Variants in SGMS2 observed in about 807,000 individuals in gnomAD.
SGMS2 encodes the protein phosphatidylcholine:ceramide cholinephosphotransferase 2.
In SGMS2, 21 loss-of-function variants were observed where a neutral mutation model predicts 43.8. That is an observed-to-expected ratio of 0.48 (90% CI 0.34 to 0.69). The LOEUF is 0.69. Among genes scored for constraint, SGMS2 ranks in the 30% least tolerant of loss-of-function variants. The pLI is 0.01. For missense variants in SGMS2, 384 were observed against 443.2 expected (o/e 0.87, Z 1.20); for synonymous variants, 167 against 160.6 (o/e 1.04, Z -0.30).
chr4:107,872,858 A>G (rs1305371604), intron 2 of SGMS2, among the ~76,000 whole-genome samples: 3 of 152,184 alleles, frequency 2.0e-5, no homozygotes, highest in Admixed American at 1.3e-4. Context: ...TTTATTTATA[A>G]TGTAACTAGT....
At chr4:107,892,656 G>A (rs532856398) in intron 2 of SGMS2, among the ~76,000 whole-genome samples, 2 of 152,140 alleles carry the variant, frequency 1.3e-5, no homozygotes, top group Admixed American at 1.3e-4. Context: ...ACATTGGTTC[G>A]GTCCGGAAAG....
rs759776066 is a variant in SGMS2, at chr4:107,895,621, C to T, written c.68C>T (p.Thr23Ile). The T allele has an allele frequency of 3.1e-6, 5 of 1,613,854 alleles. No homozygotes were observed. Among genetic ancestry groups the T allele is most frequent in the Admixed American group, 1.7e-5 (1 of 59,972 alleles). ...AATCAACCCAGTGATCCTACGAACA[C>T]TTATGCAAGACCCGCTGAACCTGTT... is the stretch of plus-strand genomic sequence containing the variant. ...LENQPSDPTN[T>I]YARPAEPVEE... Residue 23 changes from threonine to isoleucine, a missense_variant, in exon 3 of 7, where the codon ACT becomes ATT. Physicochemically the swap from Thr to Ile is moderately conservative, Grantham distance 89. Coordinates refer to ENST00000690982, the MANE Select transcript of SGMS2 (RefSeq NM_001375905.1).
chr4:107,902,302 G>A lies in SGMS2; in HGVS notation c.574-931G>A, dbSNP rs1379550903. 1.1e-3 allele frequency among the ~76,000 whole-genome samples: 133 copies of A among 119,818 alleles called. 1 individual carries two copies. Among genetic ancestry groups the A allele is most frequent in the Admixed American group, 8.3e-4 (11 of 13,198 alleles). The allele number at this position is 119,818 out of a possible 152,430, so 78.6% of individuals were successfully genotyped here. On this transcript the variant is annotated intron_variant, in intron 4 of 6. Transcript: ENST00000690982. ...AAGACCCTGTCTCAAAAAAAAAAAA[G>A]GTCTTTCTGTATTTCTCTTCCATGT...
Position 107,869,418 on chromosome 4 carries a change from G to A in SGMS2, c.-245+10865G>A, listed in dbSNP as rs575420066. 2.6e-5 allele frequency among the ~76,000 whole-genome samples: 4 copies of A among 152,196 alleles called. No homozygotes were observed. The South Asian group carries it at 8.3e-4, about 32-fold the overall frequency. ...AAATAAACAGAAATTCAGTAAATAT[G>A]GTGGAAGTGCAGGATTTAGGGGATG... On this transcript the variant is annotated intron_variant, in intron 2 of 6. Transcript: ENST00000690982.
intron 1 of SGMS2, among the ~76,000 whole-genome samples, chr4:107,839,522 G>A (rs1726386518): frequency 6.6e-6 from 1 of 152,138 alleles, no homozygotes; most frequent in African/African-American, 2.4e-5. Context: ...TGGAGGGGTA[G>A]AAGCAAGAGG....
At chr4:107,829,888 T>C (rs1020844728) in intron 1 of SGMS2, among the ~76,000 whole-genome samples, 1 of 152,280 alleles carries the variant, frequency 6.6e-6, no homozygotes, top group Admixed American at 6.5e-5. Flanking sequence ...AATTCCTTTA[T>C]TTTTCCTTCC....
At chr4:107,862,028 C>T (rs758834967) in intron 2 of SGMS2, among the ~76,000 whole-genome samples, 37 of 152,286 alleles carry the variant, frequency 2.4e-4, no homozygotes, top group Non-Finnish European at 5.3e-4. Flanking sequence ...TGTCCTCTGA[C>T]AAGAAGAGCA....
chr4:107,870,704 A>T (rs1728498765), intron 2 of SGMS2, among the ~76,000 whole-genome samples: 1 of 152,202 alleles, frequency 6.6e-6, no homozygotes, highest in African/African-American at 2.4e-5. Flanking sequence ...TTATTGATGC[A>T]GATTATGCTG....
chr4:107,845,999 T>A (rs1045380788), intron 1 of SGMS2, among the ~76,000 whole-genome samples: 1 of 152,166 alleles, frequency 6.6e-6, no homozygotes, highest in Admixed American at 6.5e-5. Context: ...CTCTTTACTT[T>A]TAGAAGGCTT....
chr4:107,904,614 G>A (rs538744446), intron 5 of SGMS2, among the ~76,000 whole-genome samples: 2 of 152,306 alleles, frequency 1.3e-5, no homozygotes, highest in South Asian at 4.1e-4. Context: ...CTGCAGTAGG[G>A]AGAATAGTGG....
chr4:107,842,575 A>G (rs1726582759), intron 1 of SGMS2, among the ~76,000 whole-genome samples: 1 of 152,200 alleles, frequency 6.6e-6, no homozygotes, highest in African/African-American at 2.4e-5. Flanking sequence ...TGAGTGAGAC[A>G]TTTAGATCAA....
chr4:107,866,426 C>G (rs1231706730), intron 2 of SGMS2, among the ~76,000 whole-genome samples: 1 of 151,898 alleles, frequency 6.6e-6, no homozygotes, highest in Non-Finnish European at 1.5e-5. Flanking sequence ...ATTAGCCAGG[C>G]GTAGTGGTGT....
At chr4:107,900,546 T>C (rs1731035832) in intron 4 of SGMS2, among the ~76,000 whole-genome samples, 1 of 152,136 alleles carries the variant, frequency 6.6e-6, no homozygotes, top group Admixed American at 6.6e-5. Context: ...AGAGTGGCCT[T>C]TGACTGAGAT....
intron 1 of SGMS2, among the ~76,000 whole-genome samples, chr4:107,826,460 T>C (rs1007609706): frequency 6.6e-6 from 1 of 152,224 alleles, no homozygotes; most frequent in South Asian, 2.1e-4. Flanking sequence ...TGCCATTTAC[T>C]GTTTAAACAA....
At chr4:107,871,349 A>C (rs1423448377) in intron 2 of SGMS2, among the ~76,000 whole-genome samples, 1 of 152,068 alleles carries the variant, frequency 6.6e-6, no homozygotes, top group East Asian at 1.9e-4. Flanking sequence ...TTTACTTTTC[A>C]CTTTTACATC....
intron 2 of SGMS2, among the ~76,000 whole-genome samples, chr4:107,870,709 A>G (rs1169081978): frequency 6.6e-6 from 1 of 152,206 alleles, no homozygotes; most frequent in Non-Finnish European, 1.5e-5. Context: ...GATGCAGATT[A>G]TGCTGTAAGA....
intron 2 of SGMS2, among the ~76,000 whole-genome samples, chr4:107,886,978 A>G (rs976909112): frequency 6.6e-6 from 1 of 152,240 alleles, no homozygotes; most frequent in African/African-American, 2.4e-5. Flanking sequence ...TCACAGGAGT[A>G]TACTTTACTC....
At chr4:107,847,382 A>G (rs1290438475) in intron 1 of SGMS2, among the ~76,000 whole-genome samples, 3 of 152,080 alleles carry the variant, frequency 2.0e-5, no homozygotes, top group Non-Finnish European at 1.5e-5. Context: ...TCCTTTCCCC[A>G]TTGCTTGTTT....
At chr4:107,847,193 C>T (rs1205385930) in intron 1 of SGMS2, among the ~76,000 whole-genome samples, 1 of 151,838 alleles carries the variant, frequency 6.6e-6, no homozygotes, top group Non-Finnish European at 1.5e-5. Flanking sequence ...TTGCCCATGC[C>T]TATGTCCTGA....
Sources: allele counts gnomAD v4.1 joint callset (sites outside exome capture counted in the v4.1 genomes callset), GRCh38; gene constraint gnomAD v4.1.1; transcripts MANE v1.5; gene names NCBI Gene and HGNC (gene_info 2026-07-23, HGNC 2026-07-21).